CREBRF: variants seen among roughly 807,000 people sequenced by gnomAD.
The protein encoded by CREBRF is CREB3 regulatory factor.
In CREBRF, 5 loss-of-function variants were observed where a neutral mutation model predicts 66.1. The ratio of observed to expected loss-of-function variants is 0.08; its 90% CI spans 0.04 to 0.16. The LOEUF (loss-of-function observed/expected upper bound fraction) is 0.16, where lower values mean the gene tolerates loss of function less well. CREBRF is among the 10% of genes least tolerant of loss of function. The pLI, the probability that CREBRF is intolerant of heterozygous loss-of-function variation, is 1.00. For synonymous variants in CREBRF, 229 were observed against 264.4 expected (o/e 0.87, Z 1.30); for missense variants, 531 against 744.9 (o/e 0.71, Z 3.34).
intron 4 of CREBRF, among the ~76,000 whole-genome samples, chr5:173,098,713 C>T (rs761289214): frequency 4.6e-5 from 7 of 151,692 alleles, no homozygotes; most frequent in South Asian, 2.1e-4. Context: ...CCTATATTAC[C>T]GTCTGTTTTT....
At chr5:173,059,945 A>G (rs897019412) in intron 1 of CREBRF, among the ~76,000 whole-genome samples, 1 of 152,170 alleles carries the variant, frequency 6.6e-6, no homozygotes, top group South Asian at 2.1e-4. Context: ...AAGCTTTTAT[A>G]TAGACAATGT....
At chr5:173,067,816 C>T (rs1757479988) in intron 1 of CREBRF, among the ~76,000 whole-genome samples, 2 of 151,904 alleles carry the variant, frequency 1.3e-5, no homozygotes, top group South Asian at 2.1e-4. Flanking sequence ...TTGGCTAACG[C>T]AGTGAAACCC....
chr5:173,093,517 A>AGTT (rs545933030), intron 4 of CREBRF, among the ~76,000 whole-genome samples: 1 of 152,164 alleles, frequency 6.6e-6, no homozygotes, highest in Non-Finnish European at 1.5e-5. Flanking sequence ...TACACAATAC[A>AGTT]GTTGTTGTTG....
intron 1 of CREBRF, among the ~76,000 whole-genome samples, chr5:173,064,173 C>T (rs148754189): frequency 2.9e-3 from 444 of 152,020 alleles, no homozygotes; most frequent in African/African-American, 9.9e-3. Flanking sequence ...AAAGCAGTTT[C>T]TTTTTTGGCT....
At chr5:173,063,513 G>T (rs1757344023) in intron 1 of CREBRF, among the ~76,000 whole-genome samples, 1 of 151,844 alleles carries the variant, frequency 6.6e-6, no homozygotes, top group Non-Finnish European at 1.5e-5. Flanking sequence ...TATTACAGGA[G>T]CACGTCACCA....
intron 2 of CREBRF, chr5:173,086,245 T>C: frequency 1.4e-6 from 1 of 722,496 alleles, no homozygotes; most frequent in Non-Finnish European, 2.6e-6. Flanking sequence ...ATATTTCAAA[T>C]CTGATGTTGA....
At chr5:173,098,515 G>C (rs375008552) in intron 4 of CREBRF, among the ~76,000 whole-genome samples, 1 of 152,080 alleles carries the variant, frequency 6.6e-6, no homozygotes, top group East Asian at 1.9e-4. Flanking sequence ...TTGTTTTGTG[G>C]CCTAACATAT....
chr5:173,110,949 A>T lies in CREBRF; in HGVS notation c.1607+238A>T, dbSNP rs543948508. 3.9e-5 allele frequency among the ~76,000 whole-genome samples: 6 copies of T among 152,222 alleles called. No individual in the cohort carries two copies. In the East Asian group the frequency reaches 5.8e-4, roughly 15 times the overall value. Reference sequence around the variant, plus strand: ...GCATTATGTTGTATAACAATAAAAAATTTTTTCATAGCTTTATTTTTTGTT... The same window carrying T: ...GCATTATGTTGTATAACAATAAAAATTTTTTTCATAGCTTTATTTTTTGTT... On this transcript the variant is annotated intron_variant, in intron 6 of 8. Coordinates refer to ENST00000296953, the MANE Select transcript of CREBRF (RefSeq NM_153607.3).
chr5:173,078,628 G>A (rs1340785697), intron 1 of CREBRF, among the ~76,000 whole-genome samples: 1 of 150,100 alleles, frequency 6.7e-6, no homozygotes, highest in Non-Finnish European at 1.5e-5. Context: ...GTGCGATCTC[G>A]GCTCACTGCA....
chr5:173,100,615 T>G (rs793359), intron 4 of CREBRF, among the ~76,000 whole-genome samples: 73,863 of 151,578 alleles, frequency 0.49, 19,110 homozygotes, highest in Non-Finnish European at 0.58. Context: ...GTAAAGACAG[T>G]GTTTCACCAT....
At chr5:173,108,881 A>C in intron 5 of CREBRF, 63 bp downstream of exon 5, 2 of 1,469,094 alleles carry the variant, frequency 1.4e-6, no homozygotes. Context: ...ACTAATCCAT[A>C]ATGTTTACTC....
Position 173,091,250 on chromosome 5 carries a change from TGAG to T in CREBRF, c.1077_1079del (p.Glu359del), listed in dbSNP as rs1179616666. 6.2e-6 allele frequency: 10 copies of T among 1,613,450 alleles called. No individual in the cohort carries two copies. The African/African-American group carries it at 8.0e-5, about 13-fold the overall frequency. ...CAACTAAATGCAGTCCTGAAGAAGA[TGAG>T]GAGGACGAGGAGGATGTTGATGATG... On this transcript the variant is annotated inframe_deletion, in exon 4 of 9. Transcript: ENST00000296953.
intron 4 of CREBRF, among the ~76,000 whole-genome samples, chr5:173,107,623 A>G (rs1163435060): frequency 6.6e-6 from 1 of 152,140 alleles, no homozygotes; most frequent in Non-Finnish European, 1.5e-5. Flanking sequence ...TGTGACAGGT[A>G]GGAAGAAAAC....
intron 3 of CREBRF, among the ~76,000 whole-genome samples, chr5:173,087,607 A>G (rs148933262): frequency 0.052 from 7,705 of 149,438 alleles, 269 homozygotes; most frequent in South Asian, 0.1. Context: ...GAGGCAGGAG[A>G]ATTGCTTGAA....
At chr5:173,060,457 C>G (rs1757236532) in intron 1 of CREBRF, 1 of 152,048 alleles carries the variant, frequency 6.6e-6, no homozygotes, top group Non-Finnish European at 1.5e-5. Context: ...TCTTGAACTC[C>G]TAATCTTAAA....
rs573651345 is a variant in CREBRF, at chr5:173,091,812, C to T, written c.1222+411C>T. The T allele has an allele frequency of 2.9e-5, 29 of 987,948 alleles. No individual in the cohort carries two copies. In the South Asian group the frequency reaches 9.7e-4, roughly 33 times the overall value. 61.2% of individuals were successfully genotyped at this position (987,948 alleles called of 1,614,324 possible). ...AAATATTCCTGTTTAGGGCCAGGCG[C>T]AGTGGCTCACGTTAGTAATCCCAGC... On this transcript the variant is annotated intron_variant, in intron 4 of 8. Coordinates refer to ENST00000296953, the MANE Select transcript of CREBRF (RefSeq NM_153607.3).
Position 173,112,820 on chromosome 5 carries a change from T to C in CREBRF, c.1681+441T>C, listed in dbSNP as rs79568098. 5.1e-4 allele frequency among the ~76,000 whole-genome samples: 77 copies of C among 152,332 alleles called. No homozygotes were observed. The East Asian group carries it at 0.013, about 25-fold the overall frequency. On this transcript the variant is annotated intron_variant, in intron 7 of 8. Coordinates refer to ENST00000296953, the MANE Select transcript of CREBRF (RefSeq NM_153607.3). ...ATTTTCCCTAAATTGAATAATGATA[T>C]TTTAGGCTTCGTATGAATAATTCAG...
chr5:173,078,522 A>G lies in CREBRF; in HGVS notation c.-191-2063A>G, dbSNP rs577872979. Among the ~76,000 whole-genome samples, 29 of 150,916 alleles carry G rather than the reference A, an allele frequency of 1.9e-4. No individual in the cohort carries two copies. In the South Asian group the frequency reaches 3.5e-3, roughly 18 times the overall value. ...TTATTCGTAAAATACTCTCATTTAC[A>G]AAGAGGTTTATATATTTCTTGATGT... On this transcript the variant is annotated intron_variant, in intron 1 of 8. Transcript: ENST00000296953.
Position 173,135,434 on chromosome 5 carries a change from A to G in CREBRF, c.*1689A>G, listed in dbSNP as rs964351568. On this transcript the variant is annotated 3_prime_UTR_variant, in exon 9 of 9. Coordinates refer to ENST00000296953, the MANE Select transcript of CREBRF (RefSeq NM_153607.3). ...AAGGCAGCATTATAAACCTTCCCCC[A>G]CAGATTTTTCCATCCTGTCTCTCTT... is the stretch of plus-strand genomic sequence containing the variant. 1 of 152,392 alleles carries G rather than the reference A, an allele frequency of 6.6e-6. No individual in the cohort carries two copies. Among genetic ancestry groups the G allele is most frequent in the Admixed American group, 6.6e-5 (1 of 15,260 alleles). The allele number at this position is 152,392 out of a possible 1,614,324, so 9.4% of individuals were successfully genotyped here. A position where few individuals can be genotyped will look rare whatever the true frequency, so the allele number is the denominator to read the frequency against.
Sources: allele counts gnomAD v4.1 joint callset (sites outside exome capture counted in the v4.1 genomes callset), GRCh38; gene constraint gnomAD v4.1.1; transcripts MANE v1.5; gene names NCBI Gene and HGNC (gene_info 2026-07-23, HGNC 2026-07-21).